The following PCDHGA12 variants were observed in gnomAD, a reference collection of about 807,000 sequenced individuals.
PCDHGA12 encodes the protein protocadherin gamma-A12.
A neutral mutation model predicts 61.1 loss-of-function variants in PCDHGA12; 43 were observed. That is an observed-to-expected ratio of 0.70 (90% CI 0.55 to 0.91). The LOEUF is 0.91. PCDHGA12 is among the 40% of genes least tolerant of loss of function. The pLI is 0.00. For synonymous variants in PCDHGA12, 520 were observed against 542.9 expected (o/e 0.96, Z 0.59); for missense variants, 1,236 against 1,227.7 (o/e 1.01, Z -0.10).
At position 141,476,051 on chromosome 5, in the gene PCDHGA12, GA is replaced by G; in HGVS notation, c.2425-18753del. On this transcript the variant is annotated intron_variant, in intron 1 of 3. Transcript: ENST00000252085. This position sits in a 1 kb window ranked among gnomAD's most constrained non-coding sequence, Gnocchi z 7.6. ...CCCAGCGCCCAAGCGCTAACCCGCT[GA>G]AAGTTTCTCAGCGAAATCTCAGGGA... 1.3e-6 allele frequency: 2 copies of G among 1,504,270 alleles called. No individual in the cohort carries two copies. The highest frequency in any genetic ancestry group is 1.8e-6 in the Non-Finnish European group (2 of 1,133,694). The allele number at this position is 1,504,270 out of a possible 1,614,324, so 93.2% of individuals were successfully genotyped here.
rs2099400874 is a variant in PCDHGA12 at position 141,476,888 on chromosome 5, C to T, written c.2425-17919C>T. On this transcript the variant is annotated intron_variant, in intron 1 of 3. Transcript: ENST00000252085. This position sits in a 1 kb window ranked among gnomAD's most constrained non-coding sequence, Gnocchi z 7.6. ...CCGGGCGCGCGTCCTGGAGGATGCA[C>T]CCTCCGGCACGCGCGTGGTACAAGT... is the stretch of plus-strand genomic sequence containing the variant. 1.2e-6 allele frequency: 2 copies of T among 1,613,964 alleles called. No homozygotes were observed. The highest frequency in any genetic ancestry group is 1.7e-6 in the Non-Finnish European group (2 of 1,180,030).
At chr5:141,435,435 T>G (rs2097763289) in intron 1 of PCDHGA12, among the ~76,000 whole-genome samples, 1 of 152,212 alleles carries the variant, frequency 6.6e-6, no homozygotes. Context: ...TGTTATGCAT[T>G]TCATTAATAC....
At position 141,489,074 on chromosome 5, in the gene PCDHGA12, C is replaced by A; in HGVS notation, c.2425-5733C>A. On this transcript the variant is annotated intron_variant, in intron 1 of 3. Coordinates refer to ENST00000252085, the MANE Select transcript of PCDHGA12 (RefSeq NM_003735.3). The surrounding 1 kb of genome is among the most constrained non-coding windows in gnomAD (Gnocchi z 4.5). ...TTCAGCTCCCCTCCCCCCTGCCCAC[C>A]CCCGCCACTCGGTGACTAAGAACTG... 9.4e-6 allele frequency: 3 copies of A among 320,798 alleles called. No individual in the cohort carries two copies. The highest frequency in any genetic ancestry group is 1.7e-5 in the Non-Finnish European group (3 of 177,744). 19.9% of individuals were successfully genotyped at this position (320,798 alleles called of 1,614,324 possible). A position where few individuals can be genotyped will look rare whatever the true frequency, so the allele number is the denominator to read the frequency against.
intron 1 of PCDHGA12, chr5:141,478,401 T>G: frequency 6.2e-7 from 1 of 1,613,480 alleles, no homozygotes; most frequent in South Asian, 1.1e-5. Context: ...CAGGTGTATC[T>G]CACCACGGAC....
At position 141,491,605 on chromosome 5, in the gene PCDHGA12, T is replaced by C; in HGVS notation, c.2425-3202T>C. On this transcript the variant is annotated intron_variant, in intron 1 of 3. Coordinates refer to ENST00000252085, the MANE Select transcript of PCDHGA12 (RefSeq NM_003735.3). This position sits in a 1 kb window ranked among gnomAD's most constrained non-coding sequence, Gnocchi z 6.9. Reference sequence around the variant, plus strand: ...GGCCTCGGACGGCAGTGACTTCACTTTTCTAAGACCCCTCAGCGTTCAGCA... The same window carrying C: ...GGCCTCGGACGGCAGTGACTTCACTCTTCTAAGACCCCTCAGCGTTCAGCA... 6.2e-7 allele frequency: 1 copy of C among 1,613,868 alleles called. No individual in the cohort carries two copies. Among genetic ancestry groups the C allele is most frequent in the East Asian group, 2.2e-5 (1 of 44,858 alleles).
chr5:141,456,878 G>A (rs71583646), intron 1 of PCDHGA12, among the ~76,000 whole-genome samples: 21 of 152,162 alleles, frequency 1.4e-4, no homozygotes, highest in African/African-American at 2.4e-4. Flanking sequence ...CAGGAGAATC[G>A]CTTGAACCCG....
intron 1 of PCDHGA12, among the ~76,000 whole-genome samples, chr5:141,444,152 ATTTTTTTTTTTTTTTT>A (rs747671382): frequency 6.3e-3 from 214 of 33,896 alleles, no homozygotes; most frequent in African/African-American, 0.023. Flanking sequence ...TGTGTACTGG[ATTTTTTTTTTTTTTTT>A]TTTTTTTTTT....
chr5:141,489,253 A>T lies in PCDHGA12; in HGVS notation c.2425-5554A>T. 1 of 1,547,506 alleles carries T rather than the reference A, an allele frequency of 6.5e-7. No individual in the cohort carries two copies. The highest frequency in any genetic ancestry group is 2.3e-5 in the East Asian group (1 of 44,418). ...GGACTTCTGGGTCATGGGGCCCAAG[A>T]CACTCCCACAGCTCGCTGGGAAATG... On this transcript the variant is annotated intron_variant, in intron 1 of 3. Coordinates refer to ENST00000252085, the MANE Select transcript of PCDHGA12 (RefSeq NM_003735.3). This position sits in a 1 kb window ranked among gnomAD's most constrained non-coding sequence, Gnocchi z 4.5.
Position 141,477,797 on chromosome 5 carries a change from A to G in PCDHGA12, c.2425-17010A>G. ...CGTGAACATATTTGTCACTGATCGC[A>G]ATGACAATGCCCCCCAGGTCCTATA... On this transcript the variant is annotated intron_variant, in intron 1 of 3. Coordinates refer to ENST00000252085, the MANE Select transcript of PCDHGA12 (RefSeq NM_003735.3). This position sits in a 1 kb window ranked among gnomAD's most constrained non-coding sequence, Gnocchi z 4.9. 1.2e-6 allele frequency: 2 copies of G among 1,614,082 alleles called. No individual in the cohort carries two copies. Among genetic ancestry groups the G allele is most frequent in the Non-Finnish European group, 1.7e-6 (2 of 1,180,032 alleles).
intron 1 of PCDHGA12, among the ~76,000 whole-genome samples, chr5:141,446,824 A>T (rs973108119): frequency 1.3e-5 from 2 of 152,156 alleles, no homozygotes; most frequent in African/African-American, 4.8e-5. Flanking sequence ...AGATGGGTAG[A>T]TCCTTATAAG....
intron 1 of PCDHGA12, among the ~76,000 whole-genome samples, chr5:141,455,913 T>C (rs2098837234): frequency 7.2e-6 from 1 of 138,032 alleles, no homozygotes; most frequent in African/African-American, 2.7e-5. Context: ...ATTTATTTAT[T>C]TTGAGACGGA....
chr5:141,432,237 A>T lies in PCDHGA12; in HGVS notation c.1478A>T (p.Glu493Val). ...GCCCAGATCACTTATTCCCTGGCTG[A>T]GAACACCATCCAAGGGGCAAGCCTA... ...ENAQITYSLA[E>V]NTIQGASLSS... Residue 493 changes from glutamate to valine, a missense_variant, in exon 1 of 4, where the codon GAG (glutamate) becomes GTG (valine). Physicochemically the swap from Glu to Val is moderately radical, Grantham distance 121. Transcript: ENST00000252085. The surrounding 1 kb of genome is among the most constrained non-coding windows in gnomAD (Gnocchi z 6.0). The T allele has an allele frequency of 2.5e-6, 4 of 1,614,224 alleles. No individual in the cohort carries two copies. Among genetic ancestry groups the T allele is most frequent in the Non-Finnish European group, 3.4e-6 (4 of 1,180,032 alleles).
intron 1 of PCDHGA12, among the ~76,000 whole-genome samples, chr5:141,474,089 CAAACAACAACAA>C (rs985204397): frequency 3.3e-5 from 5 of 152,116 alleles, no homozygotes; most frequent in Admixed American, 2.0e-4. Flanking sequence ...AACCAAAAAA[CAAACAACAACAA>C]AAACAACAAC....
Position 141,511,334 on chromosome 5 carries a change from C to A in PCDHGA12, c.*161C>A. 7.0e-7 allele frequency: 1 copy of A among 1,438,700 alleles called. No homozygotes were observed. Among genetic ancestry groups the A allele is most frequent in the Non-Finnish European group, 9.2e-7 (1 of 1,083,314 alleles). 89.1% of individuals were successfully genotyped at this position (1,438,700 alleles called of 1,614,324 possible). On this transcript the variant is annotated 3_prime_UTR_variant, in exon 4 of 4. Coordinates refer to ENST00000252085, the MANE Select transcript of PCDHGA12 (RefSeq NM_003735.3). ...GAAACAGAAACAAGTGCCCAGTCAG[C>A]ACCTACCCCTTCCCCCCCAGGGGGT...
chr5:141,501,066 A>G (rs2099805322), intron 2 of PCDHGA12, among the ~76,000 whole-genome samples: 1 of 151,976 alleles, frequency 6.6e-6, no homozygotes, highest in South Asian at 2.1e-4. Flanking sequence ...ACGGGGTTTC[A>G]CCATGTTGAC....
chr5:141,453,701 AAC>A (rs1250174252), intron 1 of PCDHGA12, among the ~76,000 whole-genome samples: 1 of 152,240 alleles, frequency 6.6e-6, no homozygotes, highest in Non-Finnish European at 1.5e-5. Context: ...CCTGGCTTTG[AAC>A]AGTTTCACTA....
intron 1 of PCDHGA12, among the ~76,000 whole-genome samples, chr5:141,463,049 T>C (rs529642816): frequency 3.9e-4 from 60 of 152,326 alleles, no homozygotes; most frequent in African/African-American, 1.3e-3. Context: ...CAGCAGGGTC[T>C]CTTTATTATG....
intron 1 of PCDHGA12, among the ~76,000 whole-genome samples, chr5:141,433,404 T>TATCTATCA (rs757435896): frequency 6.8e-6 from 1 of 146,200 alleles, no homozygotes; most frequent in Non-Finnish European, 1.5e-5. Flanking sequence ...TCTATCTATC[T>TATCTATCA]ATTACTTTCT....
rs1326296096 is a variant in PCDHGA12, at chr5:141,505,460, A to G, written c.2551A>G (p.Met851Val). The change falls in exon 3 of 4, where the codon ATG becomes GTG. Residue 851 changes from methionine to valine, a missense_variant. Transcript: ENST00000252085. Reference protein sequence around the residue: ...NQFDTEMLQAMILASASEAAD... With the variant: ...NQFDTEMLQAVILASASEAAD... ...GTTTGACACAGAGATGCTGCAAGCC[A>G]TGATCTTGGCGTCCGCCAGTGGTAA... 2 of 1,614,070 alleles carry G rather than the reference A, an allele frequency of 1.2e-6. No homozygotes were observed. The highest frequency in any genetic ancestry group is 1.3e-5 in the African/African-American group (1 of 74,942).
Sources: allele counts gnomAD v4.1 joint callset (sites outside exome capture counted in the v4.1 genomes callset), GRCh38; gene constraint gnomAD v4.1.1; non-coding constraint Gnocchi (gnomAD v3.1); transcripts MANE v1.5; gene names NCBI Gene and HGNC (gene_info 2026-07-23, HGNC 2026-07-21).